The following TOMM40 variants were observed in gnomAD, a reference collection of about 807,000 sequenced individuals.
TOMM40 encodes mitochondrial import receptor subunit TOM40 homolog.
Under a neutral mutation model 38.4 loss-of-function variants are expected in TOMM40, and 9 were observed. The ratio of observed to expected loss-of-function variants is 0.23; its 90% CI spans 0.14 to 0.41. The LOEUF (loss-of-function observed/expected upper bound fraction) is 0.41, where lower values mean the gene tolerates loss of function less well. TOMM40 is among the 10% of genes least tolerant of loss of function. TOMM40 has a pLI of 1.00. For synonymous variants in TOMM40, 184 were observed against 210.0 expected, an observed-to-expected ratio of 0.88 and a Z score of 1.07; for missense variants, 299 against 486.5, an observed-to-expected ratio of 0.61 and a Z score of 3.63.
intron 5 of TOMM40, among the ~76,000 whole-genome samples, chr19:44,894,737 G>A (rs1969534388): frequency 1.3e-5 from 2 of 152,180 alleles, no homozygotes. Flanking sequence ...CAGGGAAACA[G>A]CTTTTCAGCC....
chr19:44,903,316 C>T lies in TOMM40; in HGVS notation c.*147C>T. On this transcript the variant is annotated 3_prime_UTR_variant, in exon 9 of 9. Transcript: ENST00000426677. ...ATTGGAAAGGAGGGACCCCGCCACCCCAGCAGCTGAGGAGGGGATTCTGGA... is the reference window on the plus strand; with the variant it reads ...ATTGGAAAGGAGGGACCCCGCCACCTCAGCAGCTGAGGAGGGGATTCTGGA... 1.2e-6 allele frequency: 1 copy of T among 823,508 alleles called. No individual in the cohort carries two copies. Among genetic ancestry groups the T allele is most frequent in the South Asian group, 1.9e-5 (1 of 53,026 alleles). 51.0% of individuals were successfully genotyped at this position (823,508 alleles called of 1,614,324 possible). A position where few individuals can be genotyped will look rare whatever the true frequency, so the allele number is the denominator to read the frequency against.
At chr19:44,900,648 G>T in intron 5 of TOMM40, 82 bp from the exon 6 acceptor site, 3 of 1,607,026 alleles carry the variant, frequency 1.9e-6, no homozygotes, top group East Asian at 2.2e-5. Flanking sequence ...CTCCAGCCGG[G>T]GTGAGCCTAG....
chr19:44,891,467 C>T lies in TOMM40; in HGVS notation c.52C>T (p.Pro18Ser). 5 of 1,303,074 alleles carry T rather than the reference C, an allele frequency of 3.8e-6. No individual in the cohort carries two copies. Among genetic ancestry groups the T allele is most frequent in the Non-Finnish European group, 4.8e-6 (5 of 1,032,076 alleles). The allele number at this position is 1,303,074 out of a possible 1,614,324, so 80.7% of individuals were successfully genotyped here. A position where few individuals can be genotyped will look rare whatever the true frequency, so the allele number is the denominator to read the frequency against. The part of the protein sequence containing the change: ...SSPPAGPPPP[P>S]APALVGLPPP... ...GCCGCCCGCAGGGCCGCCACCGCCG[C>T]CTGCGCCGGCCCTCGTGGGGCTGCC... is the stretch of plus-strand genomic sequence containing the variant. The change falls in exon 1 of 9, where the codon CCT becomes TCT. Residue 18 changes from proline to serine, a missense_variant. By Grantham distance (74) the Pro-to-Ser change is moderately conservative. Coordinates refer to ENST00000426677, the MANE Select transcript of TOMM40 (RefSeq NM_001128917.2).
intron 3 of TOMM40, 36 bp downstream of exon 3, chr19:44,892,965 C>T (rs1969496514): frequency 6.4e-7 from 1 of 1,553,034 alleles, no homozygotes; most frequent in Non-Finnish European, 8.8e-7. Flanking sequence ...TTGTATCCTT[C>T]TAATAACAAA....
At chr19:44,892,320 G>A in intron 1 of TOMM40, 73 bp from the exon 2 acceptor site, 1 of 1,416,748 alleles carries the variant, frequency 7.1e-7, no homozygotes, top group Non-Finnish European at 1.0e-6. Flanking sequence ...AGAGAGCTGG[G>A]GGTGGTAGGG....
At chr19:44,898,592 C>T (rs146023662) in intron 5 of TOMM40, among the ~76,000 whole-genome samples, 50 of 142,562 alleles carry the variant, frequency 3.5e-4, no homozygotes, top group African/African-American at 1.3e-3. Context: ...AGTGCAGTGG[C>T]ACAATCACAA....
intron 5 of TOMM40, among the ~76,000 whole-genome samples, chr19:44,897,446 C>T (rs1167850781): frequency 6.6e-6 from 1 of 151,908 alleles, no homozygotes; most frequent in East Asian, 2.0e-4. Context: ...TCTTTTCTTC[C>T]CCTGCCCCAC....
chr19:44,897,116 G>A (rs536257788), intron 5 of TOMM40, among the ~76,000 whole-genome samples: 1 of 152,260 alleles, frequency 6.6e-6, no homozygotes, highest in Admixed American at 6.5e-5. Flanking sequence ...GTTCTGGGCA[G>A]GGGGTCAACA....
chr19:44,892,284 T>G, intron 1 of TOMM40, 109 bp from the exon 2 acceptor site: 464 of 1,046,560 alleles, frequency 4.4e-4, no homozygotes, highest in Non-Finnish European at 6.2e-4. Flanking sequence ...GAATCCTTTG[T>G]GAGATGTTCT....
In TOMM40 at chr19:44,900,864, G is replaced by A. The variant is rs73052321; in HGVS notation, c.766+12G>A. 10,975 of 1,613,326 alleles carry A rather than the reference G, an allele frequency of 6.8e-3. 65 individuals are homozygous for A. The highest frequency in any genetic ancestry group is 9.8e-3 in the Middle Eastern group (59 of 6,026). On this transcript the variant is annotated intron_variant, in intron 6 of 8. Coordinates refer to ENST00000426677, the MANE Select transcript of TOMM40 (RefSeq NM_001128917.2). ...TGGGAAATACACATGTGAGCCTGGC[G>A]CCTGGGTCCGAGGGTGGAGGGGCTG...
At chr19:44,898,685 G>C (rs1438311029) in intron 5 of TOMM40, among the ~76,000 whole-genome samples, 1 of 151,560 alleles carries the variant, frequency 6.6e-6, no homozygotes, top group African/African-American at 2.4e-5. Context: ...CTACAGGTGT[G>C]CACCACCACA....
In TOMM40 at chr19:44,891,269, C is replaced by G. The variant is rs1969453902; in HGVS notation, c.-147C>G. ...GCAGCGGGTTCGGTTGCGCGTGGCG[C>G]ACGGGGTGGGAGCGGAGCCCAGGCC... On this transcript the variant is annotated 5_prime_UTR_variant, in exon 1 of 9. Transcript: ENST00000426677. 1.3e-5 allele frequency: 15 copies of G among 1,133,310 alleles called. No individual in the cohort carries two copies. In the South Asian group the frequency reaches 5.7e-4, roughly 43 times the overall value. 70.2% of individuals were successfully genotyped at this position (1,133,310 alleles called of 1,614,324 possible). A position where few individuals can be genotyped will look rare whatever the true frequency, so the allele number is the denominator to read the frequency against.
intron 5 of TOMM40, 60 bp downstream of exon 5, chr19:44,894,126 A>C: frequency 7.7e-7 from 1 of 1,306,408 alleles, no homozygotes; most frequent in Non-Finnish European, 1.0e-6. Context: ...TTGCCAGCAA[A>C]TCCACCCCAT....
At chr19:44,891,919 T>C (rs1408887765) in intron 1 of TOMM40, among the ~76,000 whole-genome samples, 3 of 152,098 alleles carry the variant, frequency 2.0e-5, no homozygotes, top group Non-Finnish European at 4.4e-5. Flanking sequence ...TTTAGGGACC[T>C]GAGGAGCCCC....
intron 1 of TOMM40, among the ~76,000 whole-genome samples, chr19:44,892,131 C>T (rs1365199931): frequency 2.0e-5 from 3 of 152,186 alleles, no homozygotes; most frequent in Admixed American, 2.0e-4. Flanking sequence ...CTCATTAGAT[C>T]CTTGGGACAA....
At chr19:44,894,723 T>C (rs1293211777) in intron 5 of TOMM40, among the ~76,000 whole-genome samples, 1 of 152,158 alleles carries the variant, frequency 6.6e-6, no homozygotes, top group Non-Finnish European at 1.5e-5. Context: ...CCACCTCGCC[T>C]GGCCAGGGAA....
In TOMM40 at chr19:44,892,905, G is replaced by A. The variant is rs747251550; in HGVS notation, c.411G>A (p.Gly137=). The part of the protein sequence containing the change: ...SNYHFGVTYV[G]TKQLSPTEAF... ...ACCACTTCGGGGTCACATATGTGGG[G>A]ACAAAGCAGCTGAGTCCCACAGAGG... The change falls in exon 3 of 9, where the codon GGG becomes GGA. Residue 137 remains glycine (G), a synonymous_variant. Transcript: ENST00000426677. The A allele has an allele frequency of 6.2e-7, 1 of 1,613,820 alleles. No homozygotes were observed. The highest frequency in any genetic ancestry group is 8.5e-7 in the Non-Finnish European group (1 of 1,179,890).
At chr19:44,902,779 A>C (rs1029145632) in intron 8 of TOMM40, 4 of 429,140 alleles carry the variant, frequency 9.3e-6, no homozygotes, top group African/African-American at 6.2e-5. Flanking sequence ...AGTGGGCAGG[A>C]CTAGGTTGGG....
chr19:44,896,131 T>A (rs560520561), intron 5 of TOMM40, among the ~76,000 whole-genome samples: 2 of 152,206 alleles, frequency 1.3e-5, no homozygotes, highest in Non-Finnish European at 2.9e-5. Context: ...CCTGGTCCTT[T>A]CGTGCTCCCC....
Sources: allele counts gnomAD v4.1 joint callset (sites outside exome capture counted in the v4.1 genomes callset), GRCh38; gene constraint gnomAD v4.1.1; transcripts MANE v1.5; gene names NCBI Gene and HGNC (gene_info 2026-07-23, HGNC 2026-07-21).